MTAP: variants seen among roughly 807,000 people sequenced by gnomAD.
The protein encoded by MTAP is methylthioadenosine phosphorylase.
MTAP carries 33 observed loss-of-function variants against 33.6 expected under a neutral mutation model. The ratio of observed to expected loss-of-function variants is 0.98; its 90% CI spans 0.74 to 1.31. The LOEUF is 1.31. MTAP is among the 40% of genes most tolerant of loss of function. The pLI is 0.00. For missense variants in MTAP, 367 were observed against 360.0 expected (o/e 1.02, Z -0.16); for synonymous variants, 148 against 125.7 (o/e 1.18, Z -1.19).
intron 3 of MTAP, among the ~76,000 whole-genome samples, chr9:21,817,124 T>A (rs1177472467): frequency 2.6e-5 from 4 of 152,170 alleles, no homozygotes; most frequent in Non-Finnish European, 5.9e-5. Flanking sequence ...GTAGTAGTTA[T>A]ATGTCTGTGG....
At chr9:21,826,213 A>G (rs1476926149) in intron 4 of MTAP, among the ~76,000 whole-genome samples, 3 of 149,390 alleles carry the variant, frequency 2.0e-5, no homozygotes, top group Middle Eastern at 3.4e-3. Context: ...TAAAGAGAGT[A>G]TAAATTAGTA....
intron 1 of MTAP, among the ~76,000 whole-genome samples, chr9:21,894,875 C>T (rs1587280777): frequency 6.6e-6 from 1 of 151,426 alleles, no homozygotes; most frequent in Non-Finnish European, 1.5e-5. Context: ...CATTTCAATA[C>T]ATCAATAACA....
At position 21,859,430 on chromosome 9, in the gene MTAP, G is replaced by A. The variant is rs887084304; in HGVS notation, c.813+5G>A. 1.2e-6 allele frequency: 2 copies of A among 1,607,058 alleles called. No homozygotes were observed. The highest frequency in any genetic ancestry group is 1.7e-6 in the Non-Finnish European group (2 of 1,177,866). On this transcript the variant is annotated splice_donor_5th_base_variant and intron_variant, in intron 7 of 7. Coordinates refer to ENST00000644715, the MANE Select transcript of MTAP (RefSeq NM_002451.4). ...GAAACCCTCCATAACCTGAAGGTAAGTGTCAGCCATGGACAATCAGGCATG... is the reference window on the plus strand; with the variant it reads ...GAAACCCTCCATAACCTGAAGGTAAATGTCAGCCATGGACAATCAGGCATG...
chr9:21,846,665 C>T (rs1031961126), intron 5 of MTAP, among the ~76,000 whole-genome samples: 3 of 152,024 alleles, frequency 2.0e-5, no homozygotes, highest in African/African-American at 7.2e-5. Flanking sequence ...AATGGAAAGC[C>T]ATATAGAGAT....
rs35709813 is a variant in MTAP, at chr9:21,818,317, C to CTTTTTTTTT, written c.347+134_347+142dup. ...GAGGGCAGTGCCACAGACTCGCTTG[C>CTTTTTTTTT]TTTTTTTTTTTTTTTTTTTTTTTTT... On this transcript the variant is annotated intron_variant, in intron 4 of 7. Coordinates refer to ENST00000644715, the MANE Select transcript of MTAP (RefSeq NM_002451.4). The CTTTTTTTTT allele has an allele frequency of 1.0e-4, 24 of 240,902 alleles. 8 individuals carry two copies. The highest frequency in any genetic ancestry group is 1.7e-4 in the African/African-American group (4 of 23,790). The allele number at this position is 240,902 out of a possible 1,614,324, so 14.9% of individuals were successfully genotyped here.
chr9:21,896,398 A>C (rs1418303625), intron 1 of MTAP, among the ~76,000 whole-genome samples: 2 of 152,164 alleles, frequency 1.3e-5, no homozygotes, highest in Non-Finnish European at 2.9e-5. Flanking sequence ...AGAGCAACTA[A>C]AGGAGATAAA....
chr9:21,900,034 A>T (rs929939996), intron 1 of MTAP, among the ~76,000 whole-genome samples: 14 of 152,300 alleles, frequency 9.2e-5, no homozygotes, highest in Non-Finnish European at 1.8e-4. Flanking sequence ...TCAACTCAGG[A>T]TGCATTAAAC....
intron 1 of MTAP, among the ~76,000 whole-genome samples, chr9:21,920,841 C>T (rs1818776223): frequency 6.6e-6 from 1 of 152,134 alleles, no homozygotes. Context: ...AGGATTTTTA[C>T]AACTATGTTC....
At chr9:21,821,289 GC>G (rs773005961) in intron 4 of MTAP, among the ~76,000 whole-genome samples, 17 of 152,160 alleles carry the variant, frequency 1.1e-4, no homozygotes, top group Non-Finnish European at 1.9e-4. Context: ...ATTATTTTGA[GC>G]TACGTCCCAT....
intron 1 of MTAP, among the ~76,000 whole-genome samples, chr9:21,898,586 C>T (rs925831148): frequency 6.6e-6 from 1 of 152,048 alleles, no homozygotes; most frequent in African/African-American, 2.4e-5. Context: ...ATGAACAGGC[C>T]CTTTTCAAAA....
At chr9:21,853,479 G>C (rs1243794614) in intron 5 of MTAP, among the ~76,000 whole-genome samples, 3 of 152,210 alleles carry the variant, frequency 2.0e-5, no homozygotes, top group Non-Finnish European at 4.4e-5. Flanking sequence ...TGAAAATTCT[G>C]TTTCCCATTG....
intron 1 of MTAP, among the ~76,000 whole-genome samples, chr9:21,805,398 C>T (rs751012711): frequency 2.6e-5 from 4 of 152,086 alleles, no homozygotes; most frequent in South Asian, 2.1e-4. Flanking sequence ...TTTGAGTAAG[C>T]GAGGCCTTTA....
chr9:21,938,570 C>A (rs923255088), downstream of MTAP, among the ~76,000 whole-genome samples: 4 of 152,154 alleles, frequency 2.6e-5, no homozygotes, highest in Non-Finnish European at 4.4e-5. Flanking sequence ...TCCAGATGTT[C>A]TGTGAACTTC....
intron 1 of MTAP, among the ~76,000 whole-genome samples, chr9:21,914,977 G>A (rs564162691): frequency 7.5e-4 from 112 of 150,142 alleles, no homozygotes; most frequent in Non-Finnish European, 1.5e-3. Flanking sequence ...CCATAGTGTA[G>A]CACATATCAA....
At chr9:21,804,636 T>G (rs933366443) in intron 1 of MTAP, among the ~76,000 whole-genome samples, 1 of 152,144 alleles carries the variant, frequency 6.6e-6, no homozygotes, top group Non-Finnish European at 1.5e-5. Context: ...AAGGCAACAT[T>G]CTGTATAGAA....
intron 1 of MTAP, among the ~76,000 whole-genome samples, chr9:21,915,237 C>T (rs923356653): frequency 6.6e-6 from 1 of 151,360 alleles, no homozygotes; most frequent in African/African-American, 2.4e-5. Flanking sequence ...TACAGGCACC[C>T]GCCACCACGC....
intron 5 of MTAP, among the ~76,000 whole-genome samples, chr9:21,850,626 C>A (rs765863329): frequency 1.3e-5 from 2 of 152,160 alleles, no homozygotes; most frequent in Non-Finnish European, 2.9e-5. Flanking sequence ...GATTTTGGAG[C>A]AAGGTCCTGC....
intron 6 of MTAP, among the ~76,000 whole-genome samples, chr9:21,858,632 A>C (rs1825687358): frequency 6.6e-6 from 1 of 152,186 alleles, no homozygotes; most frequent in Admixed American, 6.5e-5. Flanking sequence ...TTCGTGAGAA[A>C]TCCAACCCCA....
chr9:21,808,423 A>C (rs1319373763), intron 1 of MTAP, among the ~76,000 whole-genome samples: 9 of 26,252 alleles, frequency 3.4e-4, no homozygotes, highest in Admixed American at 2.8e-3. Context: ...CATCTCTGCA[A>C]AAAAAAAAAA....
Sources: gnomAD v4.1 joint callset for allele counts (sites outside exome capture counted in the v4.1 genomes callset) on GRCh38, gnomAD v4.1.1 for gene constraint, MANE v1.5 for transcripts, NCBI Gene and HGNC (gene_info 2026-07-23, HGNC 2026-07-21) for gene names.